Variants in CAMKMT observed in about 807,000 individuals in gnomAD.
The protein encoded by CAMKMT is calmodulin-lysine N-methyltransferase, also known as CaM KMT.
In CAMKMT, 53 loss-of-function variants were observed where a neutral mutation model predicts 48.0. The ratio of observed to expected loss-of-function variants is 1.10; its 90% CI spans 0.89 to 1.39. CAMKMT has a LOEUF of 1.39. Among genes scored for constraint, CAMKMT ranks in the 40% most tolerant of loss-of-function variants. CAMKMT has a pLI of 0.00. For missense variants in CAMKMT, 428 were observed against 402.7 expected (o/e 1.06, Z -0.54); for synonymous variants, 165 against 152.3 (o/e 1.08, Z -0.61).
At chr2:44,674,882 A>G (rs1305063091) in intron 3 of CAMKMT, among the ~76,000 whole-genome samples, 1 of 151,758 alleles carries the variant, frequency 6.6e-6, no homozygotes, top group Non-Finnish European at 1.5e-5. Flanking sequence ...TCTTCCCCAC[A>G]AGGAAAAAAA....
intron 3 of CAMKMT, among the ~76,000 whole-genome samples, chr2:44,651,061 T>TTTACTTTAATAGTAATA (rs1333687936): frequency 6.6e-6 from 1 of 152,252 alleles, no homozygotes; most frequent in Non-Finnish European, 1.5e-5. Context: ...GAAGTGTGAC[T>TTTACTTTAATAGTAATA]GATAAATTAC....
In CAMKMT at chr2:44,473,318, A is replaced by T. The variant is rs182510543; in HGVS notation, c.376+83013A>T. Among the ~76,000 whole-genome samples, 527 of 152,368 alleles carry T rather than the reference A, an allele frequency of 3.5e-3. 3 individuals are homozygous for T. Among genetic ancestry groups the T allele is most frequent in the African/African-American group, 0.012 (502 of 41,592 alleles). ...CTCATTAGTAGATTTTACATTTTAT[A>T]TACCAAAATGTTAACAATCTATGTT... On this transcript the variant is annotated intron_variant, in intron 3 of 10. Transcript: ENST00000378494.
In CAMKMT at chr2:44,561,022, T is replaced by A. The variant is rs559100700; in HGVS notation, c.377-143261T>A. On this transcript the variant is annotated intron_variant, in intron 3 of 10. Transcript: ENST00000378494. ...ACAGGAATTGATAAGTATAGCTGCC[T>A]TCCTGTCACCCTTTATTATTATGTC... Among the ~76,000 whole-genome samples, 4 of 152,330 alleles carry A rather than the reference T, an allele frequency of 2.6e-5. 1 individual carries two copies. The highest frequency in any genetic ancestry group is 4.1e-4 in the South Asian group (2 of 4,832).
intron 3 of CAMKMT, among the ~76,000 whole-genome samples, chr2:44,538,938 C>G (rs796827127): frequency 4.0e-4 from 58 of 145,870 alleles, no homozygotes; most frequent in African/African-American, 1.5e-3. Context: ...TTTTCTTTCT[C>G]TCTCTTTCTG....
At chr2:44,390,399 C>T (rs1681217366) in intron 3 of CAMKMT, 94 bp downstream of exon 3, 2 of 876,408 alleles carry the variant, frequency 2.3e-6, no homozygotes, top group Non-Finnish European at 3.5e-6. Context: ...TTATTATACT[C>T]ACTAAATGTA....
chr2:44,485,986 A>G (rs553081007), intron 3 of CAMKMT, among the ~76,000 whole-genome samples: 90 of 151,878 alleles, frequency 5.9e-4, no homozygotes, highest in Middle Eastern at 6.8e-3. Context: ...ATTTTTTGAG[A>G]TGGAGTCTCA....
chr2:44,600,288 A>G (rs1401908587), intron 3 of CAMKMT, among the ~76,000 whole-genome samples: 4 of 151,542 alleles, frequency 2.6e-5, no homozygotes, highest in African/African-American at 9.7e-5. Context: ...GATTTTTGTG[A>G]CAGAGTGTCG....
intron 3 of CAMKMT, among the ~76,000 whole-genome samples, chr2:44,442,969 C>G (rs528820291): frequency 2.6e-5 from 4 of 152,200 alleles, no homozygotes; most frequent in Non-Finnish European, 5.9e-5. Context: ...TTCCAACCAG[C>G]CTTTTCTTTT....
intron 7 of CAMKMT, among the ~76,000 whole-genome samples, chr2:44,722,749 C>T (rs1214851711): frequency 6.6e-6 from 1 of 152,088 alleles, no homozygotes; most frequent in Admixed American, 6.6e-5. Context: ...TATAATTGTA[C>T]TTTCTAGTCC....
At chr2:44,633,609 C>T (rs1404404192) in intron 3 of CAMKMT, among the ~76,000 whole-genome samples, 1 of 151,950 alleles carries the variant, frequency 6.6e-6, no homozygotes, top group Non-Finnish European at 1.5e-5. Flanking sequence ...CATTTGTTTT[C>T]TTTCTTTTTG....
chr2:44,597,832 G>C (rs779338331), intron 3 of CAMKMT, among the ~76,000 whole-genome samples: 3 of 152,098 alleles, frequency 2.0e-5, no homozygotes. Flanking sequence ...CACCTCCCTG[G>C]TTCAAGCGAT....
At chr2:44,704,767 T>C (rs1247260625) in intron 4 of CAMKMT, among the ~76,000 whole-genome samples, 1 of 151,292 alleles carries the variant, frequency 6.6e-6, no homozygotes, top group Non-Finnish European at 1.5e-5. Context: ...GATAAATACC[T>C]CACAGCTATT....
At chr2:44,436,568 T>C (rs1390516474) in intron 3 of CAMKMT, among the ~76,000 whole-genome samples, 3 of 145,878 alleles carry the variant, frequency 2.1e-5, no homozygotes, top group Non-Finnish European at 4.7e-5. Context: ...TATTCTTATT[T>C]TTAATTTTTT....
chr2:44,446,971 T>A (rs1667036951), intron 3 of CAMKMT, among the ~76,000 whole-genome samples: 2 of 152,222 alleles, frequency 1.3e-5, no homozygotes, highest in Admixed American at 6.5e-5. Context: ...AGTCTATACT[T>A]GATTACCCAG....
intron 3 of CAMKMT, among the ~76,000 whole-genome samples, chr2:44,632,932 T>C (rs1156827878): frequency 6.6e-6 from 1 of 152,204 alleles, no homozygotes; most frequent in East Asian, 1.9e-4. Flanking sequence ...AGATGGCCTA[T>C]TGTGGAACCT....
At chr2:44,616,806 G>C (rs750372579) in intron 3 of CAMKMT, among the ~76,000 whole-genome samples, 22 of 152,144 alleles carry the variant, frequency 1.4e-4, no homozygotes, top group Non-Finnish European at 2.8e-4. Context: ...ACACAAATCA[G>C]GAGAAAACGA....
chr2:44,603,040 A>G (rs966886552), intron 3 of CAMKMT, among the ~76,000 whole-genome samples: 4 of 150,978 alleles, frequency 2.6e-5, no homozygotes, highest in African/African-American at 9.9e-5. Flanking sequence ...ACCTATATAT[A>G]CACACACACA....
chr2:44,425,496 T>A (rs1276800296), intron 3 of CAMKMT, among the ~76,000 whole-genome samples: 4 of 152,210 alleles, frequency 2.6e-5, no homozygotes, highest in Non-Finnish European at 5.9e-5. Flanking sequence ...ATGAACTGTT[T>A]TGATTACAGA....
chr2:44,382,184 C>G (rs988868836), intron 2 of CAMKMT, among the ~76,000 whole-genome samples: 1 of 152,080 alleles, frequency 6.6e-6, no homozygotes, highest in African/African-American at 2.4e-5. Flanking sequence ...TTAGGTGATT[C>G]TACCTGCGTC....
Sources: gnomAD v4.1 joint callset for allele counts (sites outside exome capture counted in the v4.1 genomes callset) on GRCh38, gnomAD v4.1.1 for gene constraint, MANE v1.5 for transcripts, NCBI Gene and HGNC (gene_info 2026-07-23, HGNC 2026-07-21) for gene names.